Variants in SCMH1 observed in about 807,000 individuals in gnomAD.
SCMH1 encodes Scm polycomb group protein homolog 1.
A neutral mutation model predicts 70.8 loss-of-function variants in SCMH1; 37 were observed. The observed-to-expected ratio is 0.52, with a 90% confidence interval of 0.40 to 0.69. The LOEUF is 0.69. Among genes scored for constraint, SCMH1 ranks in the 30% least tolerant of loss-of-function variants. The pLI is 0.00. For missense variants in SCMH1, 607 were observed against 827.3 expected (o/e 0.73, Z 3.27); for synonymous variants, 292 against 307.4 (o/e 0.95, Z 0.52).
At chr1:41,127,607 CCACTATGGACTGAATCT>C (rs761587053) in intron 6 of SCMH1, among the ~76,000 whole-genome samples, 63 of 152,258 alleles carry the variant, frequency 4.1e-4, no homozygotes, top group Non-Finnish European at 8.1e-4. Context: ...AATATGCCAA[CCACTATGGACTGAATCT>C]CCATCCCCCA....
chr1:41,085,673 A>T (rs1164732410), intron 8 of SCMH1, among the ~76,000 whole-genome samples: 1 of 152,222 alleles, frequency 6.6e-6, no homozygotes, highest in Non-Finnish European at 1.5e-5. Context: ...TGACTAGTTC[A>T]AACTGAGATG....
At chr1:41,075,094 C>G in intron 9 of SCMH1, 125 bp downstream of exon 9, 1 of 843,980 alleles carries the variant, frequency 1.2e-6, no homozygotes, top group Non-Finnish European at 2.0e-6. Flanking sequence ...GATCTCCTGA[C>G]CTCATGATCC....
chr1:41,061,112 T>C (rs1269374206), intron 10 of SCMH1, among the ~76,000 whole-genome samples: 1 of 152,196 alleles, frequency 6.6e-6, no homozygotes, highest in Admixed American at 6.5e-5. Context: ...AAACTGCCCT[T>C]AATCATTCCT....
At chr1:41,146,592 G>C (rs1307407861) in intron 5 of SCMH1, among the ~76,000 whole-genome samples, 1 of 151,560 alleles carries the variant, frequency 6.6e-6, no homozygotes, top group Admixed American at 6.6e-5. Context: ...TGTTTACATA[G>C]ACGAATACCA....
At chr1:41,139,159 A>T (rs1332265591) in intron 6 of SCMH1, among the ~76,000 whole-genome samples, 1 of 151,858 alleles carries the variant, frequency 6.6e-6, no homozygotes, top group African/African-American at 2.4e-5. Context: ...TCCACTTTCA[A>T]CTTTGACTCT....
At chr1:41,202,272 G>A (rs1420608095) in intron 1 of SCMH1, among the ~76,000 whole-genome samples, 3 of 151,852 alleles carry the variant, frequency 2.0e-5, no homozygotes, top group African/African-American at 4.8e-5. Flanking sequence ...CTGACCTTGT[G>A]ATCTGCCTGC....
intron 6 of SCMH1, among the ~76,000 whole-genome samples, chr1:41,122,614 A>G (rs1672220505): frequency 6.6e-6 from 1 of 152,250 alleles, no homozygotes; most frequent in Non-Finnish European, 1.5e-5. Context: ...CCACAAAAAC[A>G]ACATGGGGAA....
chr1:41,138,080 G>C (rs1643641323), intron 6 of SCMH1, among the ~76,000 whole-genome samples: 1 of 152,088 alleles, frequency 6.6e-6, no homozygotes, highest in Admixed American at 6.6e-5. Context: ...TTATTCCTCA[G>C]AATGGGCTTG....
intron 8 of SCMH1, among the ~76,000 whole-genome samples, chr1:41,107,788 G>C (rs2147794005): frequency 6.6e-6 from 1 of 152,274 alleles, no homozygotes; most frequent in South Asian, 2.1e-4. Context: ...AAAGTGCTGG[G>C]ATTACAGGCG....
chr1:41,177,672 G>A (rs964433895), intron 2 of SCMH1, among the ~76,000 whole-genome samples: 1 of 152,168 alleles, frequency 6.6e-6, no homozygotes, highest in Non-Finnish European at 1.5e-5. Flanking sequence ...AATGAAGTGA[G>A]AAGAGAAGTT....
intron 9 of SCMH1, among the ~76,000 whole-genome samples, chr1:41,071,524 T>G (rs1403887612): frequency 6.6e-6 from 1 of 152,186 alleles, no homozygotes; most frequent in Non-Finnish European, 1.5e-5. Context: ...GTAAATAAAT[T>G]TTTTTAATGA....
At chr1:41,046,757 T>C in intron 11 of SCMH1, 159 bp from the exon 12 acceptor site, 1 of 623,762 alleles carries the variant, frequency 1.6e-6, no homozygotes, top group Non-Finnish European at 2.9e-6. Flanking sequence ...ACTCCCTCCC[T>C]CGAGGGCTTT....
At chr1:41,183,264 CTT>C (rs1039819819) in intron 2 of SCMH1, among the ~76,000 whole-genome samples, 3 of 152,118 alleles carry the variant, frequency 2.0e-5, no homozygotes, top group African/African-American at 4.8e-5. Context: ...TATTTAATTC[CTT>C]TGTTCTCACT....
chr1:41,211,250 T>C (rs572185419), intron 1 of SCMH1, among the ~76,000 whole-genome samples: 1 of 152,184 alleles, frequency 6.6e-6, no homozygotes, highest in East Asian at 1.9e-4. Context: ...TGGGAGAAAA[T>C]TTCTGCAATC....
At chr1:41,241,275 G>A (rs1573358320) in intron 1 of SCMH1, among the ~76,000 whole-genome samples, 1 of 152,340 alleles carries the variant, frequency 6.6e-6, no homozygotes, top group South Asian at 2.1e-4. Context: ...GATATTCCGG[G>A]GTTCACCCAT....
intron 6 of SCMH1, among the ~76,000 whole-genome samples, chr1:41,119,458 A>C (rs1376214689): frequency 6.6e-6 from 1 of 152,044 alleles, no homozygotes; most frequent in Non-Finnish European, 1.5e-5. Context: ...ACAAAAAAAA[A>C]AAAACCCCAC....
At chr1:41,066,839 CT>C (rs1395947149) in intron 10 of SCMH1, among the ~76,000 whole-genome samples, 2 of 152,114 alleles carry the variant, frequency 1.3e-5, no homozygotes, top group African/African-American at 2.4e-5. Flanking sequence ...ATACACCTGC[CT>C]CAGCCTCCCA....
intron 1 of SCMH1, among the ~76,000 whole-genome samples, chr1:41,227,683 T>C (rs898753040): frequency 6.6e-6 from 1 of 152,012 alleles, no homozygotes; most frequent in Non-Finnish European, 1.5e-5. Flanking sequence ...CAGTTATAGG[T>C]AAAGAAAGGC....
intron 1 of SCMH1, among the ~76,000 whole-genome samples, chr1:41,237,240 T>G (rs754008153): frequency 6.6e-6 from 1 of 152,178 alleles, no homozygotes; most frequent in Non-Finnish European, 1.5e-5. Flanking sequence ...AATTAGAGCT[T>G]CTTCGGTCAC....
Sources: gnomAD v4.1 joint callset for allele counts (sites outside exome capture counted in the v4.1 genomes callset) on GRCh38, gnomAD v4.1.1 for gene constraint, MANE v1.5 for transcripts, NCBI Gene and HGNC (gene_info 2026-07-23, HGNC 2026-07-21) for gene names.